The following RAF1 variants were observed in gnomAD, a reference collection of about 807,000 sequenced individuals.
RAF1 encodes the protein Raf-1 proto-oncogene, serine/threonine kinase.
A neutral mutation model predicts 81.1 loss-of-function variants in RAF1; 27 were observed. That is an observed-to-expected ratio of 0.33 (90% CI 0.25 to 0.46). The LOEUF (loss-of-function observed/expected upper bound fraction) is 0.46, where lower values mean the gene tolerates loss of function less well. Among genes scored for constraint, RAF1 ranks in the 20% least tolerant of loss-of-function variants. The pLI is 1.00. For missense variants in RAF1, 598 were observed against 826.0 expected (o/e 0.72, Z 3.38); for synonymous variants, 298 against 294.0 (o/e 1.01, Z -0.14).
At chr3:12,635,026 CTTT>C (rs1282449039) in intron 1 of RAF1, among the ~76,000 whole-genome samples, 1 of 152,030 alleles carries the variant, frequency 6.6e-6, no homozygotes, top group Non-Finnish European at 1.5e-5. Context: ...TTTAATACTT[CTTT>C]AAGACTTTCT....
intron 1 of RAF1, among the ~76,000 whole-genome samples, chr3:12,624,783 C>T (rs561992834): frequency 2.0e-5 from 3 of 151,514 alleles, no homozygotes; most frequent in South Asian, 2.1e-4. Context: ...GGATGGATCA[C>T]CTGAGGTCAG....
intron 16 of RAF1, 40 bp from the exon 16 acceptor site, chr3:12,585,021 GAAC>G: frequency 6.2e-7 from 1 of 1,613,744 alleles, no homozygotes; most frequent in Non-Finnish European, 8.5e-7. Context: ...GGGGGTGAAT[GAAC>G]AACAGATAAT....
chr3:12,595,571 A>G (rs997412226), intron 11 of RAF1, among the ~76,000 whole-genome samples: 4 of 152,064 alleles, frequency 2.6e-5, no homozygotes, highest in African/African-American at 9.7e-5. Flanking sequence ...CACTCCTATT[A>G]GTATACCTCT....
chr3:12,654,658 T>A (rs2060630850), intron 1 of RAF1, among the ~76,000 whole-genome samples: 1 of 122,298 alleles, frequency 8.2e-6, no homozygotes, highest in African/African-American at 3.1e-5. Context: ...TGTATCAACT[T>A]ATAGAAAAAC....
intron 11 of RAF1, among the ~76,000 whole-genome samples, chr3:12,597,031 TGGG>T (rs771182651): frequency 1.8e-4 from 27 of 152,004 alleles, no homozygotes; most frequent in Non-Finnish European, 3.5e-4. Context: ...CCAAAGTAGC[TGGG>T]ACTACAGGCG....
chr3:12,585,919 A>C lies in RAF1; in HGVS notation c.1478-120T>G, dbSNP rs5746242. 3.4e-4 allele frequency: 269 copies of C among 784,798 alleles called. No homozygotes were observed. In the African/African-American group the frequency reaches 4.0e-3, roughly 12 times the overall value. 48.6% of individuals were successfully genotyped at this position (784,798 alleles called of 1,614,324 possible). ...CTTACCTCTGTCACAGCCTCTCTGC[A>C]CTGAACTTCCTAAGGTTTCTGAAGT... On this transcript the variant is annotated intron_variant, in intron 14 of 17. Coordinates refer to ENST00000442415, the MANE Select transcript of RAF1 (RefSeq NM_001354689.3).
At chr3:12,623,449 GTCAT>G (rs1488741901) in intron 1 of RAF1, among the ~76,000 whole-genome samples, 15 of 152,172 alleles carry the variant, frequency 9.9e-5, no homozygotes, top group Non-Finnish European at 2.2e-4. Context: ...TAGATTATTT[GTCAT>G]TCATAGTATT....
At chr3:12,593,941 A>C (rs969378971) in intron 11 of RAF1, among the ~76,000 whole-genome samples, 1 of 152,168 alleles carries the variant, frequency 6.6e-6, no homozygotes, top group Non-Finnish European at 1.5e-5. Flanking sequence ...AAGAGAATAC[A>C]GAAAGGTTTT....
At chr3:12,661,959 A>T (rs966835029) in intron 1 of RAF1, among the ~76,000 whole-genome samples, 8 of 151,586 alleles carry the variant, frequency 5.3e-5, no homozygotes, top group Non-Finnish European at 7.4e-5. Flanking sequence ...CTGAAGCTGG[A>T]GGATCACTTG....
chr3:12,605,294 TA>T (rs1202924166), intron 6 of RAF1, among the ~76,000 whole-genome samples: 1 of 103,468 alleles, frequency 9.7e-6, no homozygotes, highest in Non-Finnish European at 2.2e-5. Context: ...ATACATAATA[TA>T]TTTTTTTTTG....
At chr3:12,584,800 C>T (rs372648929) in intron 17 of RAF1, 47 bp downstream of exon 16, 20 of 1,613,786 alleles carry the variant, frequency 1.2e-5, no homozygotes, top group East Asian at 8.9e-5. Flanking sequence ...GCCATCTTTA[C>T]GAACCAACCC....
At chr3:12,613,074 A>G (rs1391375505) in intron 2 of RAF1, among the ~76,000 whole-genome samples, 1 of 152,138 alleles carries the variant, frequency 6.6e-6, no homozygotes, top group Non-Finnish European at 1.5e-5. Flanking sequence ...ACACCATACC[A>G]AGCAGCCTTA....
chr3:12,587,271 C>T lies in RAF1; in HGVS notation c.1477+320G>A, dbSNP rs1417628683. The T allele has an allele frequency of 2.7e-5, 10 of 375,344 alleles. No homozygotes were observed. In the East Asian group the frequency reaches 3.2e-4, roughly 12 times the overall value. 23.3% of individuals were successfully genotyped at this position (375,344 alleles called of 1,614,324 possible). ...AAACTTAAGACAAAAGCCCAATCCC[C>T]GTCAGGTTACATTTACTAATAGTGT... On this transcript the variant is annotated intron_variant, in intron 14 of 17. Transcript: ENST00000442415.
chr3:12,625,247 C>A (rs1259867808), intron 1 of RAF1, among the ~76,000 whole-genome samples: 3 of 151,868 alleles, frequency 2.0e-5, no homozygotes, highest in Non-Finnish European at 4.4e-5. Flanking sequence ...CTATGTCTGG[C>A]TAATTTTGTG....
chr3:12,646,326 G>T (rs2060346604), intron 1 of RAF1, among the ~76,000 whole-genome samples: 1 of 151,944 alleles, frequency 6.6e-6, no homozygotes, highest in African/African-American at 2.4e-5. Flanking sequence ...TACAGCAAAT[G>T]GATAAAGAAT....
At chr3:12,648,684 G>C (rs2060427478) in intron 1 of RAF1, among the ~76,000 whole-genome samples, 1 of 152,074 alleles carries the variant, frequency 6.6e-6, no homozygotes, top group Non-Finnish European at 1.5e-5. Context: ...AAGCAGAGGT[G>C]GCTGTGAGCC....
chr3:12,643,246 T>G (rs2060246762), intron 1 of RAF1, among the ~76,000 whole-genome samples: 1 of 152,178 alleles, frequency 6.6e-6, no homozygotes, highest in Admixed American at 6.6e-5. Flanking sequence ...AAAGGTGTAC[T>G]GTATTTCCAG....
rs752450039 is a variant in RAF1 at position 12,604,149 on chromosome 3, CT to C, written c.820del (p.Ser274AlafsTer3). On this transcript the variant is annotated frameshift_variant, in exon 7 of 18. Transcript: ENST00000442415. LOFTEE classifies it high-confidence loss of function. ...GTGCCCTATTACCTCAATCATCCTGCTGTCCACAGGCAGGGTGGTGCTGACC... is the reference window on the plus strand; with the variant it reads ...GTGCCCTATTACCTCAATCATCCTGCGTCCACAGGCAGGGTGGTGCTGACC... The C allele has an allele frequency of 6.2e-7, 1 of 1,614,170 alleles. No homozygotes were observed.
chr3:12,602,693 T>C (rs2058897846), intron 8 of RAF1, among the ~76,000 whole-genome samples: 1 of 152,186 alleles, frequency 6.6e-6, no homozygotes, highest in African/African-American at 2.4e-5. Flanking sequence ...CAGTAACTGG[T>C]ATATTATTGT....
Sources: allele counts gnomAD v4.1 joint callset (sites outside exome capture counted in the v4.1 genomes callset), GRCh38; gene constraint gnomAD v4.1.1; transcripts MANE v1.5; gene names NCBI Gene and HGNC (gene_info 2026-07-23, HGNC 2026-07-21).